The following ANXA13 variants were observed in gnomAD, a reference collection of about 807,000 sequenced individuals.
ANXA13 encodes annexin XIII.
Under a neutral mutation model 46.6 loss-of-function variants are expected in ANXA13, and 36 were observed. That is an observed-to-expected ratio of 0.77 (90% CI 0.59 to 1.02). The LOEUF is 1.02. Ranked by LOEUF, ANXA13 falls within the 50% of genes least tolerant of loss-of-function variation. The pLI, the probability that ANXA13 is intolerant of heterozygous loss-of-function variation, is 0.00. For missense variants in ANXA13, 417 were observed against 396.5 expected (o/e 1.05, Z -0.44); for synonymous variants, 163 against 152.9 (o/e 1.07, Z -0.49).
intron 1 of ANXA13, among the ~76,000 whole-genome samples, chr8:123,725,587 A>G (rs1366259096): frequency 2.6e-5 from 4 of 152,242 alleles, no homozygotes; most frequent in Non-Finnish European, 5.9e-5. Context: ...GAAACAAAAT[A>G]GAGGGGCCAT....
chr8:123,697,136 C>T (rs563529560), intron 4 of ANXA13, among the ~76,000 whole-genome samples: 10 of 152,280 alleles, frequency 6.6e-5, no homozygotes, highest in Admixed American at 2.6e-4. Context: ...TCTCAAACTC[C>T]GTCTGACCTC....
chr8:123,714,187 G>A (rs887017459), intron 1 of ANXA13, among the ~76,000 whole-genome samples: 1 of 152,100 alleles, frequency 6.6e-6, no homozygotes, highest in African/African-American at 2.4e-5. Context: ...TTCCCCCATT[G>A]TGTGGCCTCA....
chr8:123,734,230 C>T (rs965268903), intron 1 of ANXA13, among the ~76,000 whole-genome samples: 38 of 152,304 alleles, frequency 2.5e-4, no homozygotes, highest in African/African-American at 8.4e-4. Flanking sequence ...GCCACACTCC[C>T]GTGGTAAAGT....
At chr8:123,694,398 G>C (rs1050729732) in intron 6 of ANXA13, among the ~76,000 whole-genome samples, 1 of 152,162 alleles carries the variant, frequency 6.6e-6, no homozygotes, top group Non-Finnish European at 1.5e-5. Flanking sequence ...AGATGAATGA[G>C]CTCTTCTTAA....
At chr8:123,705,782 C>T (rs1813527197) in intron 2 of ANXA13, among the ~76,000 whole-genome samples, 1 of 151,966 alleles carries the variant, frequency 6.6e-6, no homozygotes. Flanking sequence ...AAAATCTAGG[C>T]CATGGGGATG....
intron 1 of ANXA13, among the ~76,000 whole-genome samples, chr8:123,733,148 G>A (rs940690764): frequency 1.3e-5 from 2 of 152,016 alleles, no homozygotes; most frequent in Non-Finnish European, 2.9e-5. Context: ...GGGCAACAGA[G>A]CAAGACCCTG....
At chr8:123,711,679 A>T (rs1184808261) in intron 2 of ANXA13, 3 of 151,602 alleles carry the variant, frequency 2.0e-5, no homozygotes, top group Non-Finnish European at 4.4e-5. Context: ...TAGTGGCGCA[A>T]TCTCGGCTCA....
At chr8:123,720,786 T>C (rs1411374151) in intron 1 of ANXA13, among the ~76,000 whole-genome samples, 2 of 152,016 alleles carry the variant, frequency 1.3e-5, no homozygotes, top group African/African-American at 2.4e-5. Context: ...ACTCACTATG[T>C]TGCCCAGGCT....
intron 2 of ANXA13, 147 bp from the exon 3 acceptor site, chr8:123,702,883 C>G: frequency 1.5e-6 from 1 of 666,882 alleles, no homozygotes; most frequent in East Asian, 2.6e-5. Flanking sequence ...GCTTTGATGC[C>G]TTGTGCTGAA....
intron 3 of ANXA13, among the ~76,000 whole-genome samples, chr8:123,700,796 T>C (rs6470176): frequency 0.91 from 138,293 of 151,784 alleles, 63,509 homozygotes; most frequent in African/African-American, 0.98. Context: ...TCCCTTCCTC[T>C]CCACCTCCCT....
chr8:123,689,103 G>A (rs1309732194), intron 8 of ANXA13, among the ~76,000 whole-genome samples, 157 bp from the exon 9 acceptor site: 1 of 152,026 alleles, frequency 6.6e-6, no homozygotes, highest in Non-Finnish European at 1.5e-5. Flanking sequence ...GGATTGGGGT[G>A]TTTGCCACCC....
At chr8:123,702,802 C>T (rs1212821468) in intron 2 of ANXA13, 66 bp from the exon 3 acceptor site, 14 of 1,459,484 alleles carry the variant, frequency 9.6e-6, no homozygotes, top group Non-Finnish European at 1.3e-5. Context: ...TTATTTTAGT[C>T]CAGGGTGAGG....
intron 1 of ANXA13, among the ~76,000 whole-genome samples, chr8:123,733,976 T>G (rs535055894): frequency 6.6e-6 from 1 of 152,338 alleles, no homozygotes; most frequent in Admixed American, 6.5e-5. Context: ...CAGACTATGA[T>G]TCAATAGATC....
intron 1 of ANXA13, chr8:123,735,808 C>G (rs200664573): frequency 6.2e-7 from 1 of 1,612,494 alleles, no homozygotes; most frequent in Non-Finnish European, 8.5e-7. Context: ...AGAGGCTGCA[C>G]GACTGTCGAG....
chr8:123,698,057 G>A (rs1410903711), intron 4 of ANXA13, among the ~76,000 whole-genome samples: 1 of 152,222 alleles, frequency 6.6e-6, no homozygotes, highest in African/African-American at 2.4e-5. Context: ...GCTGCTTGTT[G>A]ATTTTTCATG....
At chr8:123,731,922 G>A (rs1378053044) in intron 1 of ANXA13, among the ~76,000 whole-genome samples, 2 of 152,152 alleles carry the variant, frequency 1.3e-5, no homozygotes, top group African/African-American at 4.8e-5. Context: ...AAAACCACAT[G>A]GGAGTGGAGT....
intron 1 of ANXA13, among the ~76,000 whole-genome samples, chr8:123,717,153 C>G (rs1442662887): frequency 6.6e-6 from 1 of 152,162 alleles, no homozygotes; most frequent in Non-Finnish European, 1.5e-5. Context: ...CCACAGGAAT[C>G]CTGGTTTGAA....
chr8:123,723,094 TA>T (rs1352011804), intron 1 of ANXA13, among the ~76,000 whole-genome samples: 1 of 152,188 alleles, frequency 6.6e-6, no homozygotes, highest in Non-Finnish European at 1.5e-5. Context: ...AATATATTTA[TA>T]GGTAAAATAT....
chr8:123,691,676 T>G (rs1458420161), intron 8 of ANXA13, among the ~76,000 whole-genome samples: 1 of 152,202 alleles, frequency 6.6e-6, no homozygotes, highest in Admixed American at 6.5e-5. Context: ...GCTGACTTCT[T>G]AAACTGTAAT....
Sources: gnomAD v4.1 joint callset for allele counts (sites outside exome capture counted in the v4.1 genomes callset) on GRCh38, gnomAD v4.1.1 for gene constraint, MANE v1.5 for transcripts, NCBI Gene and HGNC (gene_info 2026-07-23, HGNC 2026-07-21) for gene names.